CSMD1: variants seen among roughly 807,000 people sequenced by gnomAD.
CSMD1 encodes the protein CUB and sushi domain-containing protein 1.
CSMD1 carries 213 observed loss-of-function variants against 417.5 expected under a neutral mutation model. That is an observed-to-expected ratio of 0.51 (90% CI 0.46 to 0.57). The LOEUF (loss-of-function observed/expected upper bound fraction) is 0.57. Ranked by LOEUF, CSMD1 falls within the 20% of genes least tolerant of loss-of-function variation. The probability of loss-of-function intolerance (pLI) is 0.00; values close to 1 mark genes in which losing one functional copy is unlikely to be tolerated. For missense variants in CSMD1, 6,923 were observed against 4,529.7 expected (o/e 1.53, Z -15.17); for synonymous variants, 2,862 against 1,736.8 (o/e 1.65, Z -16.11).
chr8:4,101,475 C>T (rs913721002), intron 3 of CSMD1, among the ~76,000 whole-genome samples: 2 of 152,194 alleles, frequency 1.3e-5, no homozygotes, highest in Admixed American at 6.5e-5. Flanking sequence ...AAAAGGTCTC[C>T]ATGGTGCAGC....
At chr8:4,906,501 C>G (rs896850285) in intron 1 of CSMD1, among the ~76,000 whole-genome samples, 2 of 51,404 alleles carry the variant, frequency 3.9e-5, no homozygotes, top group Non-Finnish European at 9.0e-5. Flanking sequence ...ATTTCACACA[C>G]TTTGTTTTTC....
intron 3 of CSMD1, among the ~76,000 whole-genome samples, chr8:4,104,419 CACACAT>C (rs1388157094): frequency 1.4e-5 from 2 of 144,686 alleles, no homozygotes; most frequent in Non-Finnish European, 3.0e-5. Flanking sequence ...CACACGCACA[CACACAT>C]GCGCACACGC....
chr8:4,115,759 G>C (rs926979287), intron 3 of CSMD1, among the ~76,000 whole-genome samples: 2 of 151,384 alleles, frequency 1.3e-5, no homozygotes, highest in African/African-American at 2.4e-5. Context: ...GTGCTAAAAA[G>C]AAATAAGCTA....
chr8:3,684,995 A>G (rs1241682942), intron 7 of CSMD1, among the ~76,000 whole-genome samples: 2 of 152,134 alleles, frequency 1.3e-5, no homozygotes, highest in East Asian at 1.9e-4. Flanking sequence ...GGGAATCAAT[A>G]TTTTTGGACT....
intron 1 of CSMD1, among the ~76,000 whole-genome samples, chr8:4,956,585 TATC>T (rs1178541017): frequency 4.6e-5 from 7 of 150,612 alleles, no homozygotes; most frequent in Non-Finnish European, 7.4e-5. Flanking sequence ...TACATGTGTA[TATC>T]ATCATAACAG....
intron 1 of CSMD1, among the ~76,000 whole-genome samples, chr8:4,930,594 T>C (rs1225930377): frequency 6.6e-6 from 1 of 152,152 alleles, no homozygotes; most frequent in East Asian, 1.9e-4. Flanking sequence ...TTGGCAAGGA[T>C]AGAACACAAT....
intron 3 of CSMD1, among the ~76,000 whole-genome samples, chr8:4,090,692 T>C (rs1182428707): frequency 6.6e-6 from 1 of 152,222 alleles, no homozygotes; most frequent in Non-Finnish European, 1.5e-5. Context: ...ATTTTATCTC[T>C]AGTAGGTTCT....
At chr8:4,986,334 C>G (rs1376098223) in intron 1 of CSMD1, among the ~76,000 whole-genome samples, 1 of 152,082 alleles carries the variant, frequency 6.6e-6, no homozygotes, top group Admixed American at 6.5e-5. Flanking sequence ...ACAGGAATAT[C>G]AACTTCAGGT....
At chr8:4,408,777 T>C (rs1796483192) in intron 3 of CSMD1, among the ~76,000 whole-genome samples, 1 of 152,134 alleles carries the variant, frequency 6.6e-6, no homozygotes, top group Non-Finnish European at 1.5e-5. Context: ...TCAGCTGCCA[T>C]TTTTCTGGCT....
At chr8:4,453,514 C>T (rs1241579900) in intron 2 of CSMD1, among the ~76,000 whole-genome samples, 1 of 152,206 alleles carries the variant, frequency 6.6e-6, no homozygotes, top group Non-Finnish European at 1.5e-5. Context: ...GGCCTTCTTG[C>T]ATCAGATTCC....
intron 1 of CSMD1, among the ~76,000 whole-genome samples, chr8:4,704,923 T>TA (rs1807822611): frequency 6.6e-6 from 1 of 152,180 alleles, no homozygotes; most frequent in South Asian, 2.1e-4. Flanking sequence ...AAAGTCTTAG[T>TA]AAACTCCATG....
chr8:4,291,057 G>A (rs1797332022), intron 3 of CSMD1, among the ~76,000 whole-genome samples: 1 of 152,036 alleles, frequency 6.6e-6, no homozygotes, highest in Non-Finnish European at 1.5e-5. Context: ...AATATTATGG[G>A]AATAATAATG....
At chr8:3,291,805 G>GT (rs1262382995) in intron 25 of CSMD1, among the ~76,000 whole-genome samples, 12 of 152,124 alleles carry the variant, frequency 7.9e-5, no homozygotes, top group South Asian at 2.1e-4. Flanking sequence ...TTTTTTAAGG[G>GT]TTTTTTGCGT....
At chr8:3,693,961 G>A (rs1800398241) in intron 7 of CSMD1, among the ~76,000 whole-genome samples, 1 of 151,308 alleles carries the variant, frequency 6.6e-6, no homozygotes, top group Non-Finnish European at 1.5e-5. Context: ...ATATAGGGGT[G>A]TGTGTGTGTT....
chr8:3,594,553 A>G (rs1801004414), intron 8 of CSMD1, among the ~76,000 whole-genome samples: 1 of 152,182 alleles, frequency 6.6e-6, no homozygotes, highest in South Asian at 2.1e-4. Flanking sequence ...GGTTATTTCC[A>G]TTACCATGGA....
rs567752573 is a variant in CSMD1 at position 4,251,466 on chromosome 8, A to G, written c.415+168487T>C. ...GGCAATTAAGGCCCCTACACCATGCAGTGTTGTAGGAGCACATATTAGAAG... is the reference window on the plus strand; with the variant it reads ...GGCAATTAAGGCCCCTACACCATGCGGTGTTGTAGGAGCACATATTAGAAG... On this transcript the variant is annotated intron_variant, in intron 3 of 69. Coordinates refer to ENST00000635120, the MANE Select transcript of CSMD1 (RefSeq NM_033225.6). Among the ~76,000 whole-genome samples the G allele has an allele frequency of 7.2e-4, 109 of 152,292 alleles. 1 individual carries two copies. The highest frequency in any genetic ancestry group is 2.5e-3 in the African/African-American group (105 of 41,564).
At chr8:3,092,209 G>T (rs1010029465) in intron 47 of CSMD1, among the ~76,000 whole-genome samples, 1 of 151,900 alleles carries the variant, frequency 6.6e-6, no homozygotes, top group African/African-American at 2.4e-5. Flanking sequence ...TTTAAAAAAA[G>T]AATTGAAGAT....
chr8:3,811,925 A>G (rs1052858166), intron 5 of CSMD1, among the ~76,000 whole-genome samples: 2 of 152,192 alleles, frequency 1.3e-5, no homozygotes, highest in Non-Finnish European at 2.9e-5. Flanking sequence ...AAGCACATAT[A>G]GATAAAAGTC....
At chr8:4,238,804 T>C (rs1802218775) in intron 3 of CSMD1, among the ~76,000 whole-genome samples, 1 of 152,194 alleles carries the variant, frequency 6.6e-6, no homozygotes, top group Non-Finnish European at 1.5e-5. Flanking sequence ...GTAACTTTTG[T>C]AAATGCTTTG....
Sources: allele counts gnomAD v4.1 joint callset (sites outside exome capture counted in the v4.1 genomes callset), GRCh38; gene constraint gnomAD v4.1.1; transcripts MANE v1.5; gene names NCBI Gene and HGNC (gene_info 2026-07-23, HGNC 2026-07-21).